The following LYPD6 variants were observed in gnomAD, a reference collection of about 807,000 sequenced individuals.
LYPD6 encodes LY6/PLAUR domain containing 6.
Under a neutral mutation model 22.7 loss-of-function variants are expected in LYPD6, and 15 were observed. That is an observed-to-expected ratio of 0.66 (90% CI 0.44 to 1.02). The LOEUF (loss-of-function observed/expected upper bound fraction) is 1.02. LYPD6 is among the 50% of genes least tolerant of loss of function. The pLI, the probability that LYPD6 is intolerant of heterozygous loss-of-function variation, is 0.00. For missense variants in LYPD6, 189 were observed against 208.4 expected (o/e 0.91, Z 0.57); for synonymous variants, 72 against 77.5 (o/e 0.93, Z 0.37).
At chr2:149,375,953 C>T (rs1231681682) in intron 1 of LYPD6, among the ~76,000 whole-genome samples, 1 of 152,200 alleles carries the variant, frequency 6.6e-6, no homozygotes. Context: ...ATTACAATAG[C>T]AGCGTTTTCT....
intron 1 of LYPD6, among the ~76,000 whole-genome samples, chr2:149,425,069 TC>T (rs1409033362): frequency 6.6e-6 from 1 of 152,196 alleles, no homozygotes; most frequent in Non-Finnish European, 1.5e-5. Flanking sequence ...CTTCCTTTTT[TC>T]TTCCAGATAA....
chr2:149,392,432 T>A (rs1682332154), intron 1 of LYPD6, among the ~76,000 whole-genome samples: 1 of 152,014 alleles, frequency 6.6e-6, no homozygotes, highest in Non-Finnish European at 1.5e-5. Flanking sequence ...GTCTCAGTGG[T>A]TTGTTTGGAC....
intron 3 of LYPD6, among the ~76,000 whole-genome samples, chr2:149,462,408 GA>G (rs1474632199): frequency 6.6e-6 from 1 of 151,468 alleles, no homozygotes; most frequent in African/African-American, 2.4e-5. Context: ...AAACGTCAAT[GA>G]AAAAAATAAA....
chr2:149,354,466 A>G (rs1218611591), intron 1 of LYPD6, among the ~76,000 whole-genome samples: 1 of 152,096 alleles, frequency 6.6e-6, no homozygotes, highest in Admixed American at 6.6e-5. Context: ...TCAGCCTCCC[A>G]AAGTGCTGGC....
intron 1 of LYPD6, among the ~76,000 whole-genome samples, chr2:149,402,909 T>C (rs1000748262): frequency 1.6e-5 from 2 of 124,654 alleles, no homozygotes; most frequent in Non-Finnish European, 3.2e-5. Flanking sequence ...GTCCCCAAAG[T>C]GTGATGTTCC....
At chr2:149,405,509 A>G (rs537289873) in intron 1 of LYPD6, among the ~76,000 whole-genome samples, 33 of 152,302 alleles carry the variant, frequency 2.2e-4, no homozygotes, top group South Asian at 1.7e-3. Flanking sequence ...TAGATTTTCT[A>G]GTTTATTTGC....
At chr2:149,453,133 C>T (rs557312174) in intron 3 of LYPD6, among the ~76,000 whole-genome samples, 2 of 152,302 alleles carry the variant, frequency 1.3e-5, no homozygotes, top group South Asian at 4.1e-4. Flanking sequence ...ATCAGCTACT[C>T]ATTATAAATC....
chr2:149,402,425 A>C (rs1682580398), intron 1 of LYPD6, among the ~76,000 whole-genome samples: 1 of 152,160 alleles, frequency 6.6e-6, no homozygotes, highest in South Asian at 2.1e-4. Flanking sequence ...GCTGGATCAA[A>C]TGGTAGATCT....
rs144493891 is a variant in LYPD6, at chr2:149,424,761, A to G, written c.-71-12877A>G. Among the ~76,000 whole-genome samples the G allele has an allele frequency of 8.0e-3, 1,221 of 152,282 alleles. 8 individuals are homozygous for G. The highest frequency in any genetic ancestry group is 0.028 in the African/African-American group (1,177 of 41,536). Reference sequence around the variant, plus strand: ...ACACCTATTCATAGTGGCGCTGTCAATTGAGCTGGAATGTCAAGGGGCAAG... The same window carrying G: ...ACACCTATTCATAGTGGCGCTGTCAGTTGAGCTGGAATGTCAAGGGGCAAG... On this transcript the variant is annotated intron_variant, in intron 1 of 4. Coordinates refer to ENST00000334166, the MANE Select transcript of LYPD6 (RefSeq NM_194317.5).
intron 1 of LYPD6, among the ~76,000 whole-genome samples, chr2:149,353,358 A>C (rs1681393096): frequency 6.6e-6 from 1 of 152,178 alleles, no homozygotes; most frequent in African/African-American, 2.4e-5. Flanking sequence ...AGGAGATGCA[A>C]CTCGGAGTGT....
At chr2:149,375,226 G>A (rs913799240) in intron 1 of LYPD6, among the ~76,000 whole-genome samples, 4 of 152,162 alleles carry the variant, frequency 2.6e-5, no homozygotes, top group African/African-American at 4.8e-5. Flanking sequence ...TTTCATCAGC[G>A]TAAATGAACC....
chr2:149,342,583 G>A (rs142415135), intron 1 of LYPD6, among the ~76,000 whole-genome samples: 2 of 152,284 alleles, frequency 1.3e-5, no homozygotes, highest in African/African-American at 2.4e-5. Context: ...CTATGCTACT[G>A]AAAAACTCTT....
At chr2:149,417,235 C>T (rs1249717660) in intron 1 of LYPD6, among the ~76,000 whole-genome samples, 1 of 152,176 alleles carries the variant, frequency 6.6e-6, no homozygotes, top group East Asian at 1.9e-4. Context: ...TGGACTTGCT[C>T]CAGAATCCCA....
chr2:149,430,363 G>A (rs1258856143), intron 1 of LYPD6, among the ~76,000 whole-genome samples: 6 of 152,158 alleles, frequency 3.9e-5, no homozygotes, highest in African/African-American at 1.4e-4. Flanking sequence ...GCCTCCCAAA[G>A]TGCTGGGATT....
chr2:149,381,356 G>T (rs898594615), intron 1 of LYPD6, among the ~76,000 whole-genome samples: 2 of 152,114 alleles, frequency 1.3e-5, no homozygotes, highest in African/African-American at 4.8e-5. Context: ...TTGCTATTGG[G>T]TTGCTGAGTA....
At chr2:149,412,280 G>A (rs1003524344) in intron 1 of LYPD6, among the ~76,000 whole-genome samples, 1 of 151,822 alleles carries the variant, frequency 6.6e-6, no homozygotes, top group Non-Finnish European at 1.5e-5. Flanking sequence ...TGTAGAAATC[G>A]AATCTAATTG....
intron 1 of LYPD6, among the ~76,000 whole-genome samples, chr2:149,358,078 G>A (rs1463418729): frequency 6.6e-6 from 1 of 152,082 alleles, no homozygotes; most frequent in African/African-American, 2.4e-5. Context: ...GAGCCACTGC[G>A]CCCGGCTGAA....
At chr2:149,364,471 C>G (rs1258996989) in intron 1 of LYPD6, among the ~76,000 whole-genome samples, 1 of 151,100 alleles carries the variant, frequency 6.6e-6, no homozygotes, top group Non-Finnish European at 1.5e-5. Flanking sequence ...TTTACAGCAT[C>G]TTGTTTTGAT....
At chr2:149,413,934 G>T (rs535081228) in intron 1 of LYPD6, among the ~76,000 whole-genome samples, 2 of 152,220 alleles carry the variant, frequency 1.3e-5, no homozygotes, top group Admixed American at 1.3e-4. Flanking sequence ...AACCTTTACA[G>T]GTTATTGAAA....
Sources: gnomAD v4.1 joint callset for allele counts (sites outside exome capture counted in the v4.1 genomes callset) on GRCh38, gnomAD v4.1.1 for gene constraint, MANE v1.5 for transcripts, NCBI Gene and HGNC (gene_info 2026-07-23, HGNC 2026-07-21) for gene names.